Variants in ADAMTSL1 observed in about 807,000 individuals in gnomAD.
The protein encoded by ADAMTSL1 is ADAMTS-like protein 1.
Under a neutral mutation model 201.8 loss-of-function variants are expected in ADAMTSL1, and 126 were observed. That is an observed-to-expected ratio of 0.62 (90% CI 0.54 to 0.72). The LOEUF is 0.72. Among genes scored for constraint, ADAMTSL1 ranks in the 30% least tolerant of loss-of-function variants. The pLI is 0.00. For missense variants in ADAMTSL1, 2,679 were observed against 2,277.8 expected (o/e 1.18, Z -3.59); for synonymous variants, 1,121 against 903.4 (o/e 1.24, Z -4.32).
At chr9:17,951,716 G>A (rs1827735322) in intron 1 of ADAMTSL1, among the ~76,000 whole-genome samples, 1 of 150,256 alleles carries the variant, frequency 6.7e-6, no homozygotes, top group South Asian at 2.1e-4. Flanking sequence ...CTTCTAATAC[G>A]TGTTACAAAT....
intron 2 of ADAMTSL1, among the ~76,000 whole-genome samples, chr9:18,174,649 AGGTAGAAATTTGCATCT>A (rs1682142434): frequency 6.6e-6 from 1 of 152,172 alleles, no homozygotes; most frequent in South Asian, 2.1e-4. Context: ...ATTTCAGAGT[AGGTAGAAATTTGCATCT>A]TTAAACTAAG....
intron 24 of ADAMTSL1, 68 bp from the exon 25 acceptor site, chr9:18,889,500 C>A: frequency 6.5e-7 from 1 of 1,545,106 alleles, no homozygotes; most frequent in South Asian, 1.2e-5. Flanking sequence ...CTGCCCTGCT[C>A]AGAAGGAATT....
chr9:18,696,503 T>C (rs959197598), intron 13 of ADAMTSL1, among the ~76,000 whole-genome samples: 2 of 152,210 alleles, frequency 1.3e-5, no homozygotes, highest in Admixed American at 6.5e-5. Flanking sequence ...TTAAAAGCTT[T>C]ACATTTTAAG....
chr9:18,245,670 T>C (rs956530564), intron 2 of ADAMTSL1, among the ~76,000 whole-genome samples: 3 of 151,252 alleles, frequency 2.0e-5, no homozygotes, highest in Non-Finnish European at 4.4e-5. Context: ...CCTAGATTAG[T>C]GTCTAGTGGA....
At chr9:17,926,802 G>A (rs2131307115) in intron 1 of ADAMTSL1, among the ~76,000 whole-genome samples, 1 of 152,230 alleles carries the variant, frequency 6.6e-6, no homozygotes, top group East Asian at 1.9e-4. Context: ...TTTTCTGACT[G>A]TGTGTGTCTA....
chr9:18,527,154 C>A (rs576089448), intron 2 of ADAMTSL1, among the ~76,000 whole-genome samples: 1 of 152,214 alleles, frequency 6.6e-6, no homozygotes, highest in Admixed American at 6.5e-5. Context: ...AAGAAAAAAA[C>A]CAGATGGACC....
chr9:18,109,651 CA>C lies in ADAMTSL1; in HGVS notation c.88-54207del, dbSNP rs141657972. Among the ~76,000 whole-genome samples the C allele has an allele frequency of 6.1e-3, 934 of 152,258 alleles. 27 individuals are homozygous for C. Among genetic ancestry groups the C allele is most frequent in the Admixed American group, 0.052 (799 of 15,276 alleles). On this transcript the variant is annotated intron_variant, in intron 1 of 29. Coordinates refer to the ADAMTSL1 transcript ENST00000680146. ...GGGACAAACAGATTCATGGTAATAA[CA>C]AAACATGCATTTGAAGTATATCAGA... is the stretch of plus-strand genomic sequence containing the variant.
In ADAMTSL1 at chr9:18,281,440, G is replaced by A. The variant is rs552793703; in HGVS notation, c.207+117459G>A. 1.9e-3 allele frequency among the ~76,000 whole-genome samples: 291 copies of A among 152,238 alleles called. 1 individual carries two copies. Among genetic ancestry groups the A allele is most frequent in the African/African-American group, 6.7e-3 (279 of 41,518 alleles). ...GGGCTCCAGAGTCAGCCACTGATCCGTGCACAGACGATGAGAGGTCTCATG... is the reference window on the plus strand; with the variant it reads ...GGGCTCCAGAGTCAGCCACTGATCCATGCACAGACGATGAGAGGTCTCATG... On this transcript the variant is annotated intron_variant, in intron 2 of 29. Transcript: ENST00000680146.
intron 2 of ADAMTSL1, among the ~76,000 whole-genome samples, chr9:18,369,260 C>T (rs1836929149): frequency 6.6e-6 from 1 of 152,144 alleles, no homozygotes; most frequent in Admixed American, 6.5e-5. Flanking sequence ...TGTGAGATCT[C>T]AAGCAAATTA....
At chr9:18,567,000 A>G (rs748777023) in intron 3 of ADAMTSL1, among the ~76,000 whole-genome samples, 1 of 152,200 alleles carries the variant, frequency 6.6e-6, no homozygotes, top group Non-Finnish European at 1.5e-5. Flanking sequence ...GGTTTGCCAA[A>G]TTAGCAACAT....
intron 9 of ADAMTSL1, among the ~76,000 whole-genome samples, chr9:18,665,918 C>G (rs776918255): frequency 5.9e-5 from 9 of 151,974 alleles, no homozygotes; most frequent in Non-Finnish European, 1.3e-4. Context: ...ACTAATAATC[C>G]CCAATGCCCG....
intron 3 of ADAMTSL1, among the ~76,000 whole-genome samples, chr9:18,551,926 C>T (rs1261571753): frequency 6.6e-6 from 1 of 151,762 alleles, no homozygotes; most frequent in Middle Eastern, 3.2e-3. Context: ...TCAACTCTGG[C>T]TGTATCTGCA....
At chr9:18,065,752 G>A (rs539707402) in intron 1 of ADAMTSL1, among the ~76,000 whole-genome samples, 15 of 152,120 alleles carry the variant, frequency 9.9e-5, no homozygotes, top group East Asian at 1.9e-4. Context: ...AGGCCGAGGC[G>A]GGTGGATCAC....
intron 13 of ADAMTSL1, among the ~76,000 whole-genome samples, chr9:18,686,128 C>G (rs949442629): frequency 5.9e-5 from 9 of 152,030 alleles, no homozygotes; most frequent in African/African-American, 2.2e-4. Context: ...TCCATGTTTC[C>G]CAGGCTGGTC....
chr9:18,849,552 G>C (rs2131364095), intron 23 of ADAMTSL1, among the ~76,000 whole-genome samples: 1 of 152,270 alleles, frequency 6.6e-6, no homozygotes, highest in South Asian at 2.1e-4. Flanking sequence ...CCACACTGCA[G>C]ACCCACCCAA....
chr9:18,493,164 T>A (rs1822349520), intron 1 of ADAMTSL1, among the ~76,000 whole-genome samples: 7 of 152,216 alleles, frequency 4.6e-5, no homozygotes, highest in Admixed American at 3.9e-4. Flanking sequence ...TTTAGTTTTA[T>A]GGAAAATCTA....
At chr9:18,239,160 G>A (rs1777553733) in intron 2 of ADAMTSL1, among the ~76,000 whole-genome samples, 1 of 152,112 alleles carries the variant, frequency 6.6e-6, no homozygotes, top group African/African-American at 2.4e-5. Context: ...TATGGCTGCT[G>A]ACTGATCAGG....
At chr9:18,322,108 G>T (rs1368569727) in intron 2 of ADAMTSL1, among the ~76,000 whole-genome samples, 1 of 152,064 alleles carries the variant, frequency 6.6e-6, no homozygotes. Flanking sequence ...TGTTAGAAAT[G>T]GTGGAATGCA....
chr9:18,573,907 T>C, intron 3 of ADAMTSL1, 123 bp from the exon 4 acceptor site: 1 of 708,892 alleles, frequency 1.4e-6, no homozygotes, highest in South Asian at 1.9e-5. Flanking sequence ...ATAAGTTCCA[T>C]CTATCATGAC....
Sources: gnomAD v4.1 joint callset for allele counts (sites outside exome capture counted in the v4.1 genomes callset) on GRCh38, gnomAD v4.1.1 for gene constraint, MANE v1.5 for transcripts, NCBI Gene and HGNC (gene_info 2026-07-23, HGNC 2026-07-21) for gene names.